The following GABRA3 variants were observed in gnomAD, a reference collection of about 807,000 sequenced individuals.
GABRA3 encodes gamma-aminobutyric acid type A receptor subunit alpha3.
A neutral mutation model predicts 30.1 loss-of-function variants in GABRA3; 10 were observed. The observed-to-expected ratio is 0.33, with a 90% CI of 0.20 to 0.56. The LOEUF is 0.56. Ranked by LOEUF, GABRA3 falls within the 20% of genes least tolerant of loss-of-function variation. GABRA3 has a pLI of 0.89. For synonymous variants in GABRA3, 151 were observed against 146.8 expected (o/e 1.03, Z -0.21); for missense variants, 233 against 392.0 (o/e 0.59, Z 3.42).
chrX:152,442,996 A>G (rs1349058702), intron 1 of GABRA3, among the ~76,000 whole-genome samples: 1 of 112,208 alleles, frequency 8.9e-6, no homozygotes, highest in East Asian at 2.8e-4. Flanking sequence ...AAAGATAAAT[A>G]TAATTACATA....
intron 1 of GABRA3, among the ~76,000 whole-genome samples, chrX:152,391,497 T>C (rs1929481017): frequency 9.0e-6 from 1 of 111,242 alleles, no homozygotes; most frequent in Non-Finnish European, 1.9e-5. Flanking sequence ...ATGGCAATGG[T>C]AGGAGACACC....
intron 1 of GABRA3, among the ~76,000 whole-genome samples, chrX:152,399,472 G>C (rs1023884747): frequency 1.8e-5 from 2 of 111,459 alleles, no homozygotes; most frequent in African/African-American, 6.5e-5. Context: ...AGACCAAAGG[G>C]AGCCAAAGAT....
chrX:152,237,093 T>A (rs1407548372), intron 5 of GABRA3, among the ~76,000 whole-genome samples: 1 of 110,822 alleles, frequency 9.0e-6, no homozygotes, highest in East Asian at 2.8e-4. Context: ...TGAATGGTAT[T>A]GCCTAGGTTT....
At chrX:152,374,188 CTA>C (rs767531900) in intron 1 of GABRA3, among the ~76,000 whole-genome samples, 3 of 110,568 alleles carry the variant, frequency 2.7e-5, no homozygotes, top group South Asian at 7.8e-4. Flanking sequence ...CTTGTAGACT[CTA>C]TATAGCAAAC....
chrX:152,413,537 C>G (rs1223277028), intron 1 of GABRA3, among the ~76,000 whole-genome samples: 4 of 111,377 alleles, frequency 3.6e-5, no homozygotes, highest in Non-Finnish European at 7.6e-5. Context: ...CCCACCATAA[C>G]AACATGCCAA....
chrX:152,208,791 G>T (rs1169888871), intron 6 of GABRA3, among the ~76,000 whole-genome samples: 1 of 111,554 alleles, frequency 9.0e-6, no homozygotes, highest in Non-Finnish European at 1.9e-5. Context: ...CTTTCACCAT[G>T]AGTAAAAGCT....
chrX:152,378,414 C>T (rs1244413486), intron 1 of GABRA3, among the ~76,000 whole-genome samples: 1 of 111,489 alleles, frequency 9.0e-6, no homozygotes, highest in African/African-American at 3.3e-5. Flanking sequence ...ATTAAAGAAT[C>T]AAATACAACT....
intron 1 of GABRA3, among the ~76,000 whole-genome samples, chrX:152,369,045 C>T (rs1217858735): frequency 9.0e-6 from 1 of 111,411 alleles, no homozygotes; most frequent in African/African-American, 3.3e-5. Flanking sequence ...CATTGTTTTC[C>T]ATAATGGCTG....
chrX:152,185,972 GT>G (rs1259865605), intron 9 of GABRA3, among the ~76,000 whole-genome samples: 6 of 111,668 alleles, frequency 5.4e-5, no homozygotes, highest in Non-Finnish European at 1.1e-4. Flanking sequence ...ATTTAAGCTT[GT>G]CCTTTCAAAT....
chrX:152,431,749 G>T (rs2124545501), intron 1 of GABRA3, among the ~76,000 whole-genome samples: 1 of 111,801 alleles, frequency 8.9e-6, no homozygotes, highest in Non-Finnish European at 1.9e-5. Flanking sequence ...AAAAGTCAGT[G>T]TCAGAGTGAT....
At chrX:152,387,568 G>C (rs886105732) in intron 1 of GABRA3, among the ~76,000 whole-genome samples, 1 of 111,181 alleles carries the variant, frequency 9.0e-6, no homozygotes. Flanking sequence ...ATCTTTGTGT[G>C]ATAATTATAT....
At chrX:152,283,436 C>T (rs1939232718) in intron 4 of GABRA3, among the ~76,000 whole-genome samples, 1 of 111,530 alleles carries the variant, frequency 9.0e-6, no homozygotes, top group Non-Finnish European at 1.9e-5. Flanking sequence ...CCTGGCCTTC[C>T]AAACATTCAC....
chrX:152,208,503 A>G (rs758171657), intron 6 of GABRA3, among the ~76,000 whole-genome samples: 3 of 111,704 alleles, frequency 2.7e-5, no homozygotes, highest in African/African-American at 9.8e-5. Flanking sequence ...CACAGACTCA[A>G]ATGCCTACAG....
chrX:152,421,108 C>T (rs751747453), intron 1 of GABRA3, among the ~76,000 whole-genome samples: 1,663 of 103,934 alleles, frequency 0.016, 36 homozygotes, highest in African/African-American at 0.053. Context: ...TACACACACA[C>T]ACACACACAC....
intron 9 of GABRA3, among the ~76,000 whole-genome samples, chrX:152,184,810 G>A (rs1184458339): frequency 9.0e-6 from 1 of 110,751 alleles, no homozygotes; most frequent in Non-Finnish European, 1.9e-5. Context: ...TCATTTTAGC[G>A]GAATCTTCAA....
intron 7 of GABRA3, among the ~76,000 whole-genome samples, chrX:152,199,617 T>C (rs982798246): frequency 7.2e-5 from 8 of 111,103 alleles, no homozygotes; most frequent in African/African-American, 2.3e-4. Context: ...TAAGATTCTC[T>C]ACTCAACTCT....
chrX:152,450,745 G>A (rs1161318338), intron 1 of GABRA3, among the ~76,000 whole-genome samples: 1 of 112,002 alleles, frequency 8.9e-6, no homozygotes, highest in Non-Finnish European at 1.9e-5. Context: ...CTGGTGCCTA[G>A]AGCTGTCTGG....
intron 3 of GABRA3, among the ~76,000 whole-genome samples, chrX:152,310,692 A>T (rs1939785577): frequency 9.0e-6 from 1 of 111,545 alleles, no homozygotes; most frequent in South Asian, 3.7e-4. Context: ...TAGCAGAAGA[A>T]AAAAACAATA....
At chrX:152,388,960 T>C (rs138378910) in intron 1 of GABRA3, among the ~76,000 whole-genome samples, 4 of 112,040 alleles carry the variant, frequency 3.6e-5, no homozygotes, top group African/African-American at 1.3e-4. Flanking sequence ...GCAAATGTGG[T>C]ATATGAGCTA....
Sources: gnomAD v4.1 joint callset for allele counts (sites outside exome capture counted in the v4.1 genomes callset) on GRCh38, gnomAD v4.1.1 for gene constraint, MANE v1.5 for transcripts, NCBI Gene and HGNC (gene_info 2026-07-23, HGNC 2026-07-21) for gene names.